The following ADAMTSL1 variants were observed in gnomAD, a reference collection of about 807,000 sequenced individuals.
The protein encoded by ADAMTSL1 is ADAMTS-like protein 1.
Under a neutral mutation model 201.8 loss-of-function variants are expected in ADAMTSL1, and 126 were observed. That is an observed-to-expected ratio of 0.62 (90% CI 0.54 to 0.72). The LOEUF is 0.72. ADAMTSL1 is among the 30% of genes least tolerant of loss of function. The pLI is 0.00. For synonymous variants in ADAMTSL1, 1,121 were observed against 903.4 expected (o/e 1.24, Z -4.32); for missense variants, 2,679 against 2,277.8 (o/e 1.18, Z -3.59).
chr9:18,132,719 A>C (rs1826002565), intron 1 of ADAMTSL1, among the ~76,000 whole-genome samples: 1 of 150,640 alleles, frequency 6.6e-6, no homozygotes, highest in East Asian at 2.0e-4. Context: ...CCCCCCTTTC[A>C]CTCCATGCTC....
chr9:18,489,226 A>G (rs1005595750), intron 1 of ADAMTSL1, among the ~76,000 whole-genome samples: 1 of 152,238 alleles, frequency 6.6e-6, no homozygotes, highest in African/African-American at 2.4e-5. Context: ...TATATCTCTT[A>G]TATTTGAAGA....
chr9:18,068,838 T>C (rs957206419), intron 1 of ADAMTSL1, among the ~76,000 whole-genome samples: 1 of 152,216 alleles, frequency 6.6e-6, no homozygotes, highest in Non-Finnish European at 1.5e-5. Flanking sequence ...TAAGGCAGCA[T>C]GTGAAAGATC....
At position 18,277,474 on chromosome 9, in the gene ADAMTSL1, T is replaced by C. The variant is rs568027430; in HGVS notation, c.207+113493T>C. On this transcript the variant is annotated intron_variant, in intron 2 of 29. Transcript: ENST00000680146. ...AATACTCCTCTACTGGGAACATATA[T>C]TTATGGTTTTTATATTGTCTTGATG... 3.3e-5 allele frequency among the ~76,000 whole-genome samples: 5 copies of C among 152,322 alleles called. No individual in the cohort carries two copies. In the East Asian group the frequency reaches 9.6e-4, roughly 29 times the overall value.
chr9:18,218,567 C>G (rs143268108), intron 2 of ADAMTSL1, among the ~76,000 whole-genome samples: 2 of 152,160 alleles, frequency 1.3e-5, no homozygotes, highest in African/African-American at 4.8e-5. Context: ...CCATTTCTTT[C>G]TTTTTTATTA....
At chr9:18,547,897 A>G (rs1449845846) in intron 3 of ADAMTSL1, among the ~76,000 whole-genome samples, 1 of 151,954 alleles carries the variant, frequency 6.6e-6, no homozygotes, top group Non-Finnish European at 1.5e-5. Flanking sequence ...TGGAACAGAC[A>G]AAGACAGGGA....
chr9:18,022,202 T>C (rs1586907491), intron 1 of ADAMTSL1, among the ~76,000 whole-genome samples: 1 of 152,118 alleles, frequency 6.6e-6, no homozygotes, highest in South Asian at 2.1e-4. Context: ...AAGATCACCA[T>C]AAACTAGGAG....
intron 2 of ADAMTSL1, among the ~76,000 whole-genome samples, chr9:18,358,297 A>G (rs2133063475): frequency 6.6e-6 from 1 of 152,234 alleles, no homozygotes; most frequent in Admixed American, 6.5e-5. Context: ...GGAGTCAATT[A>G]TTTTTCTGTT....
chr9:18,649,531 G>T (rs1828060903), intron 7 of ADAMTSL1, among the ~76,000 whole-genome samples: 1 of 148,570 alleles, frequency 6.7e-6, no homozygotes, highest in South Asian at 2.1e-4. Flanking sequence ...ATCTACTTTT[G>T]GTCTTTGATG....
At chr9:18,543,312 C>T (rs1004331375) in intron 3 of ADAMTSL1, among the ~76,000 whole-genome samples, 5 of 150,568 alleles carry the variant, frequency 3.3e-5, no homozygotes, top group Non-Finnish European at 5.9e-5. Context: ...AACACATCTG[C>T]AAAAAATCCT....
At chr9:18,714,763 A>T (rs1284113193) in intron 14 of ADAMTSL1, among the ~76,000 whole-genome samples, 4 of 152,178 alleles carry the variant, frequency 2.6e-5, no homozygotes, top group East Asian at 1.9e-4. Context: ...CCAGTATCAT[A>T]CTGATACCAA....
At chr9:18,840,312 T>C (rs1825632244) in intron 23 of ADAMTSL1, among the ~76,000 whole-genome samples, 1 of 150,530 alleles carries the variant, frequency 6.6e-6, no homozygotes, top group Non-Finnish European at 1.5e-5. Context: ...CCATTGCTTG[T>C]TTTTCTCAGG....
At chr9:18,200,262 T>C (rs924397516) in intron 2 of ADAMTSL1, among the ~76,000 whole-genome samples, 3 of 151,908 alleles carry the variant, frequency 2.0e-5, no homozygotes, top group East Asian at 1.9e-4. Flanking sequence ...AGCGAGACAC[T>C]ATCTCTATTA....
chr9:18,712,434 C>A (rs4461728), intron 14 of ADAMTSL1, among the ~76,000 whole-genome samples: 121,508 of 150,768 alleles, frequency 0.81, 49,181 homozygotes, highest in Admixed American at 0.87. Flanking sequence ...ACCAAGGCTC[C>A]AGAACTACGT....
At chr9:18,390,963 T>C (rs946739976) in intron 2 of ADAMTSL1, among the ~76,000 whole-genome samples, 3 of 152,174 alleles carry the variant, frequency 2.0e-5, no homozygotes, top group African/African-American at 7.2e-5. Flanking sequence ...TTGTTTATGG[T>C]TGTTAACTAT....
intron 23 of ADAMTSL1, among the ~76,000 whole-genome samples, chr9:18,859,677 T>A (rs1379120173): frequency 6.6e-6 from 1 of 152,244 alleles, no homozygotes; most frequent in East Asian, 1.9e-4. Flanking sequence ...CTATCAGTGC[T>A]ACTTCAGTCA....
At chr9:18,827,948 A>G (rs1824687314) in intron 22 of ADAMTSL1, among the ~76,000 whole-genome samples, 1 of 152,188 alleles carries the variant, frequency 6.6e-6, no homozygotes, top group Non-Finnish European at 1.5e-5. Context: ...ATGAACATCA[A>G]AGCAATGTCT....
At chr9:18,713,077 C>T (rs1323592807) in intron 14 of ADAMTSL1, among the ~76,000 whole-genome samples, 1 of 150,858 alleles carries the variant, frequency 6.6e-6, no homozygotes, top group African/African-American at 2.4e-5. Context: ...CCAGGCCTGC[C>T]CTAAAAGAGC....
chr9:18,177,742 C>G (rs1484935029), intron 2 of ADAMTSL1, among the ~76,000 whole-genome samples: 2 of 152,150 alleles, frequency 1.3e-5, no homozygotes, highest in Non-Finnish European at 2.9e-5. Context: ...TGCTGTCACT[C>G]ACTTTCTTTT....
chr9:18,424,118 A>C (rs1439519588), intron 2 of ADAMTSL1, among the ~76,000 whole-genome samples: 1 of 152,244 alleles, frequency 6.6e-6, no homozygotes, highest in Non-Finnish European at 1.5e-5. Context: ...AAATAAGATC[A>C]ATTTCCCTCT....
Sources: allele counts gnomAD v4.1 joint callset (sites outside exome capture counted in the v4.1 genomes callset), GRCh38; gene constraint gnomAD v4.1.1; transcripts MANE v1.5; gene names NCBI Gene and HGNC (gene_info 2026-07-23, HGNC 2026-07-21).